The following STIP1 variants were observed in gnomAD, a reference collection of about 807,000 sequenced individuals.
STIP1 encodes stress induced phosphoprotein 1, also known as stress-induced-phosphoprotein 1.
In STIP1, 16 loss-of-function variants were observed where a neutral mutation model predicts 77.4. The ratio of observed to expected loss-of-function variants is 0.21; its 90% confidence interval spans 0.14 to 0.31. STIP1 has a LOEUF of 0.31. Among genes scored for constraint, STIP1 ranks in the 10% least tolerant of loss-of-function variants. STIP1 has a pLI of 1.00. For synonymous variants in STIP1, 258 were observed against 246.6 expected, an observed-to-expected ratio of 1.05 and a Z score of -0.44; for missense variants, 524 against 684.8, an observed-to-expected ratio of 0.77 and a Z score of 2.62.
chr11:64,203,885 G>A, intron 13 of STIP1, 169 bp from the exon 14 acceptor site: 1 of 861,488 alleles, frequency 1.2e-6, no homozygotes, highest in Non-Finnish European at 1.8e-6. Flanking sequence ...GAGTAGGACT[G>A]GCAAGTTCTG....
In STIP1 at chr11:64,203,254, G is replaced by GC. The variant is rs746228952; in HGVS notation, c.1386+33dup. ...GTGGGGCTGCTTCTGGCCTCCAGGG[G>GC]CCCCCCCTGCCTCTTTCTCTGTTGG... is the stretch of plus-strand genomic sequence containing the variant. On this transcript the variant is annotated intron_variant, in intron 12 of 13. Transcript: ENST00000305218. 2.6e-4 allele frequency: 414 copies of GC among 1,609,834 alleles called. No homozygotes were observed. In the Middle Eastern group the frequency reaches 2.6e-3, roughly 10 times the overall value.
chr11:64,188,048 A>AG (rs1332846637), intron 1 of STIP1, among the ~76,000 whole-genome samples: 1 of 151,068 alleles, frequency 6.6e-6, no homozygotes, highest in Admixed American at 6.6e-5. Context: ...AAAAAAAAAA[A>AG]AAAAAAAAAG....
chr11:64,190,350 T>A (rs967164715), intron 1 of STIP1, among the ~76,000 whole-genome samples: 1 of 152,174 alleles, frequency 6.6e-6, no homozygotes, highest in African/African-American at 2.4e-5. Context: ...ATTTTTTTTG[T>A]ATTTTTAGTA....
chr11:64,185,663 CG>C, upstream of STIP1: 1 of 984,308 alleles, frequency 1.0e-6, no homozygotes, highest in Non-Finnish European at 1.4e-6. Flanking sequence ...CCGCAGCCGC[CG>C]GCGACACAGC....
At chr11:64,193,498 C>T in intron 2 of STIP1, 3 of 574,682 alleles carry the variant, frequency 5.2e-6, no homozygotes, top group Admixed American at 6.1e-5. Flanking sequence ...AAGGAAGAGG[C>T]CAGGGCTGGG....
intron 4 of STIP1, among the ~76,000 whole-genome samples, chr11:64,195,410 T>C (rs1309976564): frequency 6.6e-6 from 1 of 151,924 alleles, no homozygotes; most frequent in Non-Finnish European, 1.5e-5. Context: ...GCCACCGTGC[T>C]CCGCTATCTG....
chr11:64,188,316 C>T (rs1479376228), intron 1 of STIP1, among the ~76,000 whole-genome samples: 2 of 150,408 alleles, frequency 1.3e-5, no homozygotes, highest in African/African-American at 4.9e-5. Context: ...TGCACTCTAG[C>T]CTGGGTGACA....
In STIP1 at chr11:64,194,585, A is replaced by G. The variant is rs779378320; in HGVS notation, c.468A>G (p.Ile156Met). 1 of 1,614,242 alleles carries G rather than the reference A, an allele frequency of 6.2e-7. No individual in the cohort carries two copies. The highest frequency in any genetic ancestry group is 1.1e-5 in the South Asian group (1 of 91,088). The change falls in exon 4 of 14, where the codon ATA (isoleucine) becomes ATG (methionine). Residue 156 changes from isoleucine (I) to methionine (M), a missense_variant. Transcript: ENST00000305218. ...LLSDPTYRELIEQLRNKPSDL... is the reference protein window; with the variant it reads ...LLSDPTYRELMEQLRNKPSDL... ...GTGATCCTACCTACCGGGAGCTGAT[A>G]GAGCAGCTACGAAACAAGCCTTCTG...
In STIP1 at chr11:64,186,232, AT is replaced by A. The variant is rs1381353971; in HGVS notation, c.-28del. 1 of 1,537,772 alleles carries A rather than the reference AT, an allele frequency of 6.5e-7. No homozygotes were observed. Among genetic ancestry groups the A allele is most frequent in the South Asian group, 1.2e-5 (1 of 83,936 alleles). ...TGGGAACGCGGAGCGGACGGATTCG[AT>A]TCAACGGGGTTCCGGACCGCGCTGC... On this transcript the variant is annotated 5_prime_UTR_variant, in exon 1 of 14. Coordinates refer to ENST00000305218, the MANE Select transcript of STIP1 (RefSeq NM_006819.3).
At chr11:64,188,225 T>C (rs1946049163) in intron 1 of STIP1, among the ~76,000 whole-genome samples, 1 of 150,774 alleles carries the variant, frequency 6.6e-6, no homozygotes, top group Non-Finnish European at 1.5e-5. Flanking sequence ...AGGCCTGTAA[T>C]CCCAGCTATT....
intron 1 of STIP1, among the ~76,000 whole-genome samples, chr11:64,188,257 T>C (rs774937313): frequency 7.3e-5 from 11 of 150,670 alleles, no homozygotes; most frequent in African/African-American, 9.8e-5. Flanking sequence ...GATAGGAGAA[T>C]TGCTTCAACC....
chr11:64,200,359 T>G, intron 10 of STIP1, 66 bp downstream of exon 10: 1 of 1,543,788 alleles, frequency 6.5e-7, no homozygotes, highest in South Asian at 1.3e-5. Flanking sequence ...TTTCTCTCTC[T>G]CTCCTCATCA....
intron 5 of STIP1, 96 bp downstream of exon 5, chr11:64,195,909 T>C (rs1427408324): frequency 6.5e-7 from 1 of 1,543,076 alleles, no homozygotes; most frequent in Non-Finnish European, 8.8e-7. Context: ...TTGACCATGA[T>C]TATTATGGTT....
chr11:64,193,149 C>T lies in STIP1; in HGVS notation c.81C>T (p.Tyr27=), dbSNP rs151183233. ...ACATCGATGATGCCTTACAGTGCTACTCCGAAGCTATTAAGCTGGATCCCC... is the reference window on the plus strand; with the variant it reads ...ACATCGATGATGCCTTACAGTGCTATTCCGAAGCTATTAAGCTGGATCCCC... The part of the protein sequence containing the change: ...VGNIDDALQC[Y]SEAIKLDPHN... Residue 27 remains tyrosine, a synonymous_variant, in exon 2 of 14, where the codon TAC becomes TAT. Coordinates refer to ENST00000305218, the MANE Select transcript of STIP1 (RefSeq NM_006819.3). 5,142 of 1,614,234 alleles carry T rather than the reference C, an allele frequency of 3.2e-3. 9 individuals carry two copies. The highest frequency in any genetic ancestry group is 3.7e-3 in the Non-Finnish European group (4,343 of 1,180,042).
At chr11:64,197,706 A>G in intron 7 of STIP1, 111 bp downstream of exon 7, 1 of 1,558,008 alleles carries the variant, frequency 6.4e-7, no homozygotes, top group South Asian at 1.1e-5. Context: ...TGCTGTGTTA[A>G]GAAAGGGCTG....
chr11:64,201,052 A>G (rs1946214651), intron 10 of STIP1, among the ~76,000 whole-genome samples: 1 of 151,340 alleles, frequency 6.6e-6, no homozygotes, highest in South Asian at 2.1e-4. Flanking sequence ...AAAAAAAAAA[A>G]AAAGACAAGG....
At chr11:64,199,689 G>A (rs533113843) in intron 8 of STIP1, among the ~76,000 whole-genome samples, 4 of 149,130 alleles carry the variant, frequency 2.7e-5, no homozygotes, top group East Asian at 4.1e-4. Flanking sequence ...TCAGTCTCCC[G>A]AGTAGCTGGG....
At chr11:64,186,681 G>A (rs1946023645) in intron 1 of STIP1, among the ~76,000 whole-genome samples, 1 of 152,256 alleles carries the variant, frequency 6.6e-6, no homozygotes, top group South Asian at 2.1e-4. Context: ...CCCTCCGGGA[G>A]ATCTCAGACG....
At chr11:64,186,972 C>A (rs926010669) in intron 1 of STIP1, among the ~76,000 whole-genome samples, 1 of 152,094 alleles carries the variant, frequency 6.6e-6, no homozygotes, top group Non-Finnish European at 1.5e-5. Flanking sequence ...TGTATTGCGG[C>A]CCCTCCCCCT....
Sources: gnomAD v4.1 joint callset for allele counts (sites outside exome capture counted in the v4.1 genomes callset) on GRCh38, gnomAD v4.1.1 for gene constraint, MANE v1.5 for transcripts, NCBI Gene and HGNC (gene_info 2026-07-23, HGNC 2026-07-21) for gene names.